Variants in ZC3HAV1 observed in about 807,000 individuals in gnomAD.
ZC3HAV1 encodes zinc finger CCCH-type antiviral protein 1.
ZC3HAV1 carries 41 observed loss-of-function variants against 86.6 expected under a neutral mutation model. The observed-to-expected ratio is 0.47, with a 90% CI of 0.37 to 0.61. The LOEUF (loss-of-function observed/expected upper bound fraction) is 0.61. Ranked by LOEUF, ZC3HAV1 falls within the 20% of genes least tolerant of loss-of-function variation. ZC3HAV1 has a pLI of 0.00. For synonymous variants in ZC3HAV1, 421 were observed against 432.1 expected (o/e 0.97, Z 0.32); for missense variants, 964 against 1,141.1 (o/e 0.84, Z 2.24).
chr7:139,060,940 C>G, intron 9 of ZC3HAV1, 96 bp downstream of exon 9: 1 of 1,601,332 alleles, frequency 6.2e-7, no homozygotes, highest in Non-Finnish European at 8.5e-7. Flanking sequence ...AGGAACTTTT[C>G]AGGAAAACAG....
chr7:139,068,169 C>T (rs532249482), intron 7 of ZC3HAV1, among the ~76,000 whole-genome samples: 1 of 151,944 alleles, frequency 6.6e-6, no homozygotes, highest in Non-Finnish European at 1.5e-5. Context: ...AAGCGATTCT[C>T]CTGCCTCAGC....
At chr7:139,056,289 T>C (rs1584839632) in intron 9 of ZC3HAV1, among the ~76,000 whole-genome samples, 1 of 151,450 alleles carries the variant, frequency 6.6e-6, no homozygotes, top group Admixed American at 6.6e-5. Context: ...GTGCTAGGAT[T>C]ATAAGCATCA....
chr7:139,054,304 A>C (rs1816221206), intron 10 of ZC3HAV1, among the ~76,000 whole-genome samples: 1 of 152,156 alleles, frequency 6.6e-6, no homozygotes, highest in African/African-American at 2.4e-5. Context: ...AGGCCAACTG[A>C]AAGCTAGCAA....
chr7:139,058,440 A>ACC (rs56132797), intron 9 of ZC3HAV1, among the ~76,000 whole-genome samples: 76 of 119,270 alleles, frequency 6.4e-4, no homozygotes, highest in Non-Finnish European at 1.2e-3. Context: ...CTAACCCCCA[A>ACC]CCCCCCCCCC....
intron 7 of ZC3HAV1, among the ~76,000 whole-genome samples, chr7:139,068,027 A>C (rs1030657327): frequency 2.1e-5 from 1 of 48,116 alleles, no homozygotes; most frequent in Non-Finnish European, 3.7e-5. Flanking sequence ...TTCTTTCTTT[A>C]TTATTATTAT....
intron 9 of ZC3HAV1, among the ~76,000 whole-genome samples, chr7:139,056,220 G>C (rs1816276102): frequency 6.6e-6 from 1 of 151,916 alleles, no homozygotes; most frequent in Non-Finnish European, 1.5e-5. Context: ...GTGTGATCAT[G>C]GCTCACTATA....
intron 8 of ZC3HAV1, among the ~76,000 whole-genome samples, chr7:139,063,027 C>CAAAAAAAAAAAAAAAAAA (rs58859916): frequency 6.2e-4 from 42 of 68,044 alleles, no homozygotes; most frequent in Admixed American, 1.1e-3. Context: ...GACTCTGTCT[C>CAAAAAAAAAAAAAAAAAA]AAAAAAAAAA....
chr7:139,076,866 T>G (rs1238943533), intron 5 of ZC3HAV1, among the ~76,000 whole-genome samples: 2 of 151,388 alleles, frequency 1.3e-5, no homozygotes, highest in Admixed American at 1.3e-4. Context: ...CACTCCAGCC[T>G]GGGTGACAGA....
intron 1 of ZC3HAV1, among the ~76,000 whole-genome samples, chr7:139,097,149 A>C (rs1817613542): frequency 6.6e-6 from 1 of 151,292 alleles, no homozygotes; most frequent in African/African-American, 2.4e-5. Flanking sequence ...AAAAATAATA[A>C]TAATAAAAAT....
chr7:139,055,399 C>T, intron 9 of ZC3HAV1, 104 bp from the exon 10 acceptor site: 1 of 876,494 alleles, frequency 1.1e-6, no homozygotes, highest in Non-Finnish European at 1.8e-6. Flanking sequence ...TAGAGAAATA[C>T]ACAATATTTA....
chr7:139,050,228 A>T (rs1453202568), intron 12 of ZC3HAV1, among the ~76,000 whole-genome samples: 2 of 151,766 alleles, frequency 1.3e-5, no homozygotes, highest in Non-Finnish European at 2.9e-5. Context: ...GTTTGATGCT[A>T]TCTCATTTGT....
intron 6 of ZC3HAV1, among the ~76,000 whole-genome samples, chr7:139,075,565 G>A (rs1243105260): frequency 1.3e-5 from 2 of 152,082 alleles, no homozygotes; most frequent in Non-Finnish European, 1.5e-5. Flanking sequence ...CCCGAGTAGC[G>A]AGTAGCTGGG....
At position 139,084,045 on chromosome 7, in the gene ZC3HAV1, G is replaced by T. The variant is rs575832480; in HGVS notation, c.445-13C>A. The T allele has an allele frequency of 5.0e-6, 8 of 1,607,190 alleles. No homozygotes were observed. The African/African-American group carries it at 9.3e-5, about 19-fold the overall frequency. On this transcript the variant is annotated splice_polypyrimidine_tract_variant and intron_variant, in intron 2 of 12. Transcript: ENST00000242351. ...AACTTTTGCATATCTACAGAAGGGAGAAACAACAGCCAGAGTCAAAACACC... is the reference window on the plus strand; with the variant it reads ...AACTTTTGCATATCTACAGAAGGGATAAACAACAGCCAGAGTCAAAACACC...
intron 2 of ZC3HAV1, among the ~76,000 whole-genome samples, chr7:139,086,017 G>C (rs7456409): frequency 1.4e-3 from 198 of 138,084 alleles, no homozygotes; most frequent in Middle Eastern, 7.5e-3. Flanking sequence ...TCTCAAAAAA[G>C]AAAAAAAAAA....
chr7:139,056,879 CAT>C (rs1257934102), intron 9 of ZC3HAV1, among the ~76,000 whole-genome samples: 1 of 152,148 alleles, frequency 6.6e-6, no homozygotes, highest in African/African-American at 2.4e-5. Context: ...AATGGGAAAA[CAT>C]AAAACGTGAA....
chr7:139,088,432 C>A (rs1220834917), intron 2 of ZC3HAV1, among the ~76,000 whole-genome samples: 1 of 152,208 alleles, frequency 6.6e-6, no homozygotes, highest in Admixed American at 6.5e-5. Context: ...ATGTCCATGT[C>A]ACATCTTTTA....
rs772963065 is a variant in ZC3HAV1, at chr7:139,078,627, T to C, written c.1498A>G (p.Thr500Ala). The C allele has an allele frequency of 1.1e-5, 17 of 1,579,880 alleles. No homozygotes were observed. The Admixed American group carries it at 3.3e-4, about 30-fold the overall frequency. The change falls in exon 5 of 13, where the codon ACA becomes GCA. Residue 500 changes from threonine (T) to alanine (A), a missense_variant. By Grantham distance (58) the Thr-to-Ala change is moderately conservative. Coordinates refer to ENST00000242351, the MANE Select transcript of ZC3HAV1 (RefSeq NM_020119.4). Reference protein sequence around the residue: ...NDSLSDVTSTTSSRVDDHDSE... With the variant: ...NDSLSDVTSTASSRVDDHDSE... The stretch of plus-strand genomic sequence containing the variant: ...TCATGATCATCCACCCTAGAAGATG[T>C]GGTACTTGTGACATCAGATAAAGAA...
chr7:139,055,072 G>A (rs1816244057), intron 10 of ZC3HAV1, 133 bp downstream of exon 10: 1 of 761,034 alleles, frequency 1.3e-6, no homozygotes, highest in Non-Finnish European at 2.1e-6. Flanking sequence ...TTACAGGGCT[G>A]AGCCACTGCA....
rs1220373420 is a variant in ZC3HAV1 at position 139,044,268 on chromosome 7, T to C, written c.*3326A>G. On this transcript the variant is annotated 3_prime_UTR_variant, in exon 13 of 13. Coordinates refer to ENST00000242351, the MANE Select transcript of ZC3HAV1 (RefSeq NM_020119.4). ...ACCCTAACACTGGTTTTCATTCTAGTGTCCCCCACCCGTCTAGTTTCATTT... is the reference window on the plus strand; with the variant it reads ...ACCCTAACACTGGTTTTCATTCTAGCGTCCCCCACCCGTCTAGTTTCATTT... The C allele has an allele frequency of 6.6e-6, 1 of 152,204 alleles. No homozygotes were observed. Among genetic ancestry groups the C allele is most frequent in the Non-Finnish European group, 1.5e-5 (1 of 68,042 alleles). 9.4% of individuals were successfully genotyped at this position (152,204 alleles called of 1,614,324 possible). A position where few individuals can be genotyped will look rare whatever the true frequency, so the allele number is the denominator to read the frequency against.
Sources: allele counts gnomAD v4.1 joint callset (sites outside exome capture counted in the v4.1 genomes callset), GRCh38; gene constraint gnomAD v4.1.1; transcripts MANE v1.5; gene names NCBI Gene and HGNC (gene_info 2026-07-23, HGNC 2026-07-21).